The following GCNT1 variants were observed in gnomAD, a reference collection of about 807,000 sequenced individuals.
GCNT1 encodes beta-1,3-galactosyl-O-glycosyl-glycoprotein beta-1,6-N-acetylglucosaminyltransferase.
A neutral mutation model predicts 26.2 loss-of-function variants in GCNT1; 16 were observed. The observed-to-expected ratio is 0.61, with a 90% CI of 0.41 to 0.93. GCNT1 has a LOEUF of 0.93. Ranked by LOEUF, GCNT1 falls within the 40% of genes least tolerant of loss-of-function variation. The pLI, the probability that GCNT1 is intolerant of heterozygous loss-of-function variation, is 0.00. For synonymous variants in GCNT1, 183 were observed against 190.8 expected, an observed-to-expected ratio of 0.96 and a Z score of 0.34; for missense variants, 477 against 526.7, an observed-to-expected ratio of 0.91 and a Z score of 0.92.
upstream of GCNT1, among the ~76,000 whole-genome samples, chr9:76,455,932 C>T (rs562572674): frequency 4.9e-4 from 74 of 152,294 alleles, no homozygotes; most frequent in Non-Finnish European, 7.1e-4. Context: ...GTACTTGTAA[C>T]TATAGTTTTA....
the GCNT1 span, among the ~76,000 whole-genome samples, chr9:76,410,700 GT>G: frequency 6.6e-6 from 1 of 152,222 alleles, no homozygotes; most frequent in Admixed American, 6.5e-5. Context: ...TGAGAAGAAT[GT>G]GTATTCTGCT....
Position 76,487,687 on chromosome 9 carries a change from G to C in GCNT1, c.-289-13229G>C, listed in dbSNP as rs113843757. Among the ~76,000 whole-genome samples the C allele has an allele frequency of 1.5e-3, 227 of 151,728 alleles. 8 individuals carry two copies. The South Asian group carries it at 0.045, about 30-fold the overall frequency. On this transcript the variant is annotated intron_variant, in intron 2 of 3. Transcript: ENST00000376730. ...GGGGATTCTCTTTTTTTTCTTCTTC[G>C]GTTAGATCTCCTTTCTGATTCTTAC... is the stretch of plus-strand genomic sequence containing the variant.
intron 2 of GCNT1, among the ~76,000 whole-genome samples, chr9:76,496,576 GCTGA>G (rs1218216264): frequency 6.7e-6 from 1 of 149,348 alleles, no homozygotes; most frequent in Non-Finnish European, 1.5e-5. Flanking sequence ...ATCTGGTGGT[GCTGA>G]CTCTCTTTAT....
chr9:76,421,689 G>GTTTTTTTT (rs1182829928), intron 1 of GCNT1, among the ~76,000 whole-genome samples: 1 of 74,786 alleles, frequency 1.3e-5, no homozygotes, highest in African/African-American at 5.4e-5. Flanking sequence ...TTTGTAGGTT[G>GTTTTTTTT]TTTTTTTTTT....
chr9:76,428,291 T>TAAAAAAAAAA (rs1564220598), intron 1 of GCNT1, among the ~76,000 whole-genome samples: 25 of 77,008 alleles, frequency 3.2e-4, no homozygotes, highest in Non-Finnish European at 6.0e-4. Context: ...AAAAAAAAAC[T>TAAAAAAAAAA]TAAAAAAAAA....
the GCNT1 span, among the ~76,000 whole-genome samples, chr9:76,405,304 C>T: frequency 6.6e-6 from 1 of 151,784 alleles, no homozygotes; most frequent in African/African-American, 2.4e-5. Context: ...CACACACACA[C>T]ACACACACAC....
rs771909016 is a variant in GCNT1, at chr9:76,503,306, A to G, written c.925A>G (p.Met309Val). ...ACAGAATGAAAAAATCCAAAAGTTGATGGAGTGGGCACAAGACACATACAG... is the reference window on the plus strand; with the variant it reads ...ACAGAATGAAAAAATCCAAAAGTTGGTGGAGTGGGCACAAGACACATACAG... Reference protein sequence around the residue: ...VLQNEKIQKLMEWAQDTYSPD... With the variant: ...VLQNEKIQKLVEWAQDTYSPD... Residue 309 changes from methionine (M) to valine (V), a missense_variant, in exon 4 of 4, where the codon ATG becomes GTG. By Grantham distance (21) the Met-to-Val change is conservative. Transcript: ENST00000376730. The G allele has an allele frequency of 3.1e-6, 5 of 1,613,994 alleles. No homozygotes were observed. The highest frequency in any genetic ancestry group is 4.2e-6 in the Non-Finnish European group (5 of 1,180,004).
At chr9:76,397,766 C>T in the GCNT1 span, among the ~76,000 whole-genome samples, 4 of 152,188 alleles carry the variant, frequency 2.6e-5, no homozygotes, top group African/African-American at 9.7e-5. Flanking sequence ...CTCCTCCCCT[C>T]TGACTGAAGA....
chr9:76,484,903 C>T (rs1008831659), intron 2 of GCNT1, among the ~76,000 whole-genome samples: 1 of 151,356 alleles, frequency 6.6e-6, no homozygotes, highest in Non-Finnish European at 1.5e-5. Context: ...ATTCTCCTGC[C>T]TCAGCCTCCA....
the GCNT1 span, among the ~76,000 whole-genome samples, chr9:76,413,648 G>GTTT: frequency 1.4e-4 from 4 of 28,116 alleles, no homozygotes; most frequent in Admixed American, 1.0e-3. Flanking sequence ...TTTTTGTTTT[G>GTTT]TTTTGTTTTT....
At chr9:76,475,053 A>G (rs1824222421) in intron 2 of GCNT1, among the ~76,000 whole-genome samples, 1 of 152,212 alleles carries the variant, frequency 6.6e-6, no homozygotes. Context: ...CTGGGATTAC[A>G]GGTGCCCGCC....
chr9:76,486,087 G>C (rs183265572), intron 2 of GCNT1, among the ~76,000 whole-genome samples: 2 of 152,218 alleles, frequency 1.3e-5, no homozygotes, highest in Non-Finnish European at 2.9e-5. Context: ...GCCAGATTAT[G>C]TGAGTTTGAA....
chr9:76,442,332 G>A (rs756165910), intron 1 of GCNT1: 2 of 152,196 alleles, frequency 1.3e-5, no homozygotes, highest in Non-Finnish European at 2.9e-5. Flanking sequence ...AAATAAATTT[G>A]TGTTGCTTAT....
At chr9:76,484,242 C>G (rs1206470100) in intron 2 of GCNT1, among the ~76,000 whole-genome samples, 1 of 151,824 alleles carries the variant, frequency 6.6e-6, no homozygotes, top group Non-Finnish European at 1.5e-5. Flanking sequence ...AAATAAGCAG[C>G]CAGGTGCACC....
intron 1 of GCNT1, among the ~76,000 whole-genome samples, chr9:76,420,994 AAAAC>A (rs1823183479): frequency 6.6e-6 from 1 of 151,366 alleles, no homozygotes; most frequent in Non-Finnish European, 1.5e-5. Flanking sequence ...TTTCATTCTC[AAAAC>A]AAACAAATGA....
intron 1 of GCNT1, among the ~76,000 whole-genome samples, chr9:76,451,473 C>CAAGCCTCCTACA (rs1823663939): frequency 6.6e-6 from 1 of 152,172 alleles, no homozygotes; most frequent in African/African-American, 2.4e-5. Context: ...CCTGGGGACT[C>CAAGCCTCCTACA]TGGTTGGTGT....
At chr9:76,472,538 A>T (rs1281939885) in intron 2 of GCNT1, among the ~76,000 whole-genome samples, 1 of 152,118 alleles carries the variant, frequency 6.6e-6, no homozygotes, top group African/African-American at 2.4e-5. Context: ...AGGAGGGTGC[A>T]ACTTGGGGCT....
intron 1 of GCNT1, among the ~76,000 whole-genome samples, chr9:76,445,148 G>A (rs957290657): frequency 6.6e-6 from 1 of 152,126 alleles, no homozygotes; most frequent in African/African-American, 2.4e-5. Flanking sequence ...TGATAGGAAC[G>A]ATTCTGTGGA....
intron 2 of GCNT1, among the ~76,000 whole-genome samples, chr9:76,463,542 A>G (rs962643456): frequency 3.3e-5 from 5 of 152,228 alleles, no homozygotes; most frequent in African/African-American, 1.2e-4. Context: ...TAATGTTACT[A>G]AGAAATCCTC....
Sources: allele counts gnomAD v4.1 joint callset (sites outside exome capture counted in the v4.1 genomes callset), GRCh38; gene constraint gnomAD v4.1.1; transcripts MANE v1.5; gene names NCBI Gene and HGNC (gene_info 2026-07-23, HGNC 2026-07-21).